The following MACC1 variants were observed in gnomAD, a reference collection of about 807,000 sequenced individuals.
MACC1 encodes MET transcriptional regulator MACC1.
MACC1 carries 79 observed loss-of-function variants against 70.7 expected under a neutral mutation model. That is an observed-to-expected ratio of 1.12 (90% CI 0.93 to 1.35). The LOEUF is 1.35. MACC1 is among the 40% of genes most tolerant of loss of function. The pLI is 0.00. For synonymous variants in MACC1, 361 were observed against 347.2 expected (o/e 1.04, Z -0.44); for missense variants, 1,106 against 978.1 (o/e 1.13, Z -1.74).
Position 20,138,179 on chromosome 7 carries a change from A to AC in MACC1, c.*2766_*2767insG, listed in dbSNP as rs1781745561. The stretch of plus-strand genomic sequence containing the variant: ...AAAAAAAAAAAAAAAAAAAAAAAAA[A>AC]AAATTTCCCCTGGAAGGATTTGTTA... On this transcript the variant is annotated 3_prime_UTR_variant, in exon 7 of 7. Transcript: ENST00000400331. 7.2e-6 allele frequency: 1 copy of AC among 139,362 alleles called. No homozygotes were observed. Among genetic ancestry groups the AC allele is most frequent in the Non-Finnish European group, 1.6e-5 (1 of 64,310 alleles). The allele number at this position is 139,362 out of a possible 1,614,324, so 8.6% of individuals were successfully genotyped here.
intron 1 of MACC1, among the ~76,000 whole-genome samples, chr7:20,201,315 C>T (rs944582649): frequency 6.6e-6 from 1 of 152,116 alleles, no homozygotes; most frequent in Non-Finnish European, 1.5e-5. Context: ...ATGCTAGCTC[C>T]ACAGTGAAAT....
At chr7:20,190,752 T>A (rs1782660629) in intron 1 of MACC1, among the ~76,000 whole-genome samples, 1 of 152,242 alleles carries the variant, frequency 6.6e-6, no homozygotes, top group African/African-American at 2.4e-5. Context: ...AAAGCCTGCC[T>A]GTGAACTGTT....
chr7:20,189,728 G>T (rs1782643628), intron 1 of MACC1, among the ~76,000 whole-genome samples: 1 of 147,236 alleles, frequency 6.8e-6, no homozygotes, highest in Non-Finnish European at 1.5e-5. Context: ...GAGACAGACA[G>T]ACAGACATAC....
intron 1 of MACC1, among the ~76,000 whole-genome samples, chr7:20,172,022 T>C (rs1782315724): frequency 6.6e-6 from 1 of 151,996 alleles, no homozygotes; most frequent in Non-Finnish European, 1.5e-5. Context: ...AAATACGAAA[T>C]AAAAAGACAT....
At chr7:20,191,769 T>C (rs1482294969) in intron 1 of MACC1, among the ~76,000 whole-genome samples, 1 of 152,152 alleles carries the variant, frequency 6.6e-6, no homozygotes, top group African/African-American at 2.4e-5. Flanking sequence ...AATAAAAATT[T>C]GGAAAGGTAA....
intron 1 of MACC1, among the ~76,000 whole-genome samples, chr7:20,171,672 C>G (rs1782310210): frequency 6.6e-6 from 1 of 151,424 alleles, no homozygotes; most frequent in South Asian, 2.1e-4. Flanking sequence ...ACCTCCACCT[C>G]CCAGGTTCAA....
At position 20,158,920 on chromosome 7, in the gene MACC1, G is replaced by GC. The variant is rs1422543639; in HGVS notation, c.1440dup (p.His481AlafsTer4). On this transcript the variant is annotated frameshift_variant, in exon 5 of 7. Coordinates refer to ENST00000400331, the MANE Select transcript of MACC1 (RefSeq NM_182762.4). LOFTEE classifies it high-confidence loss of function. ...ACTTGAACACAAAAATCAAACAAGT[G>GC]CATCTCTCTGTGCTCAACTAAAGAA... 5 of 1,613,988 alleles carry GC rather than the reference G, an allele frequency of 3.1e-6. No individual in the cohort carries two copies. The highest frequency in any genetic ancestry group is 3.3e-4 in the Middle Eastern group (2 of 6,062).
At chr7:20,142,063 T>C (rs1039046126) in intron 6 of MACC1, 4 of 152,146 alleles carry the variant, frequency 2.6e-5, no homozygotes, top group African/African-American at 9.7e-5. Flanking sequence ...ATTTGCTTAT[T>C]TTGGGGGGTT....
chr7:20,207,148 C>CT (rs906784275), intron 1 of MACC1, among the ~76,000 whole-genome samples: 48 of 144,806 alleles, frequency 3.3e-4, no homozygotes, highest in African/African-American at 2.8e-4. Context: ...TTTTTCTTTT[C>CT]TTTTTTTTTT....
intron 1 of MACC1, among the ~76,000 whole-genome samples, chr7:20,177,430 TTCAG>T (rs1274003223): frequency 1.3e-5 from 2 of 152,146 alleles, no homozygotes; most frequent in Non-Finnish European, 2.9e-5. Context: ...TCTCTTGTAA[TTCAG>T]TCAGTTTGTG....
intron 1 of MACC1, among the ~76,000 whole-genome samples, chr7:20,184,333 T>C (rs748852046): frequency 2.0e-5 from 3 of 152,208 alleles, no homozygotes; most frequent in Non-Finnish European, 4.4e-5. Flanking sequence ...GATTTAAACA[T>C]GAGCAGCAAT....
intron 1 of MACC1, among the ~76,000 whole-genome samples, chr7:20,211,411 A>G (rs2128109519): frequency 6.6e-6 from 1 of 152,324 alleles, no homozygotes; most frequent in Non-Finnish European, 1.5e-5. Flanking sequence ...TGGAAAAGTC[A>G]TATGAATAAT....
chr7:20,172,885 A>G (rs1484147210), intron 1 of MACC1, among the ~76,000 whole-genome samples: 1 of 152,170 alleles, frequency 6.6e-6, no homozygotes, highest in Non-Finnish European at 1.5e-5. Flanking sequence ...GTTCCTTGTG[A>G]TCAGCTGGGG....
At chr7:20,210,626 C>T (rs1782981302) in intron 1 of MACC1, among the ~76,000 whole-genome samples, 1 of 152,094 alleles carries the variant, frequency 6.6e-6, no homozygotes. Context: ...TTAGATGTTA[C>T]CTATCCTTTC....
At chr7:20,143,719 G>A (rs909812518) in intron 6 of MACC1, among the ~76,000 whole-genome samples, 1 of 152,148 alleles carries the variant, frequency 6.6e-6, no homozygotes, top group Non-Finnish European at 1.5e-5. Flanking sequence ...TAACAACAGA[G>A]TAGTGTCGAT....
chr7:20,213,879 C>A (rs1783033120), intron 1 of MACC1, among the ~76,000 whole-genome samples: 1 of 151,996 alleles, frequency 6.6e-6, no homozygotes, highest in Non-Finnish European at 1.5e-5. Flanking sequence ...ATGTAACAAA[C>A]CTACATATGT....
intron 1 of MACC1, among the ~76,000 whole-genome samples, chr7:20,207,574 A>T (rs779419928): frequency 1.3e-5 from 2 of 152,236 alleles, no homozygotes; most frequent in Admixed American, 6.5e-5. Flanking sequence ...GATATGTCCT[A>T]GGATTTTTGA....
intron 1 of MACC1, among the ~76,000 whole-genome samples, chr7:20,191,608 C>T (rs985359505): frequency 5.9e-5 from 9 of 152,098 alleles, no homozygotes; most frequent in African/African-American, 2.2e-4. Context: ...CTGAAATTGC[C>T]GGAGGATGCA....
In MACC1 at chr7:20,159,913, T is replaced by C. The variant is rs767973687; in HGVS notation, c.448A>G (p.Thr150Ala). The change falls in exon 5 of 7, where the codon ACA becomes GCA. Residue 150 changes from threonine to alanine, a missense_variant. Transcript: ENST00000400331. ...TGTATACTCTGATGGGCATGTGCTG[T>C]GTCGTCTAAAATGTCCAGAAGTTCT... ...VSELLDILDD[T>A]AHAHQSIHNS... 1 of 1,614,142 alleles carries C rather than the reference T, an allele frequency of 6.2e-7. No individual in the cohort carries two copies. The highest frequency in any genetic ancestry group is 8.5e-7 in the Non-Finnish European group (1 of 1,180,014).
Sources: gnomAD v4.1 joint callset for allele counts (sites outside exome capture counted in the v4.1 genomes callset) on GRCh38, gnomAD v4.1.1 for gene constraint, MANE v1.5 for transcripts, NCBI Gene and HGNC (gene_info 2026-07-23, HGNC 2026-07-21) for gene names.